FBXO11: variants seen among roughly 807,000 people sequenced by gnomAD.
FBXO11 encodes F-box protein 11.
Under a neutral mutation model 117.0 loss-of-function variants are expected in FBXO11, and 13 were observed. That is an observed-to-expected ratio of 0.11 (90% CI 0.07 to 0.18). The LOEUF is 0.18. FBXO11 is among the 10% of genes least tolerant of loss of function. The pLI is 1.00. For missense variants in FBXO11, 767 were observed against 1,164.4 expected (o/e 0.66, Z 4.97); for synonymous variants, 490 against 380.5 (o/e 1.29, Z -3.35).
At chr2:47,899,985 G>T (rs771512249) in intron 1 of FBXO11, among the ~76,000 whole-genome samples, 1 of 151,962 alleles carries the variant, frequency 6.6e-6, no homozygotes, top group African/African-American at 2.4e-5. Flanking sequence ...TCAAACTAGG[G>T]GTTCTCACTA....
At chr2:47,875,626 A>T (rs1675944489) in intron 1 of FBXO11, among the ~76,000 whole-genome samples, 1 of 152,154 alleles carries the variant, frequency 6.6e-6, no homozygotes, top group Non-Finnish European at 1.5e-5. Flanking sequence ...GGTTTATAAA[A>T]AAGGGTCTAA....
chr2:47,819,642 G>T (rs151283887), intron 14 of FBXO11, among the ~76,000 whole-genome samples: 90 of 152,290 alleles, frequency 5.9e-4, no homozygotes, highest in African/African-American at 2.2e-3. Context: ...TTTAGCAAAA[G>T]AAATTAATTC....
chr2:47,849,028 C>T (rs550811915), intron 1 of FBXO11, among the ~76,000 whole-genome samples: 2 of 152,214 alleles, frequency 1.3e-5, no homozygotes, highest in East Asian at 1.9e-4. Context: ...AGATTGGAAA[C>T]TTAGGCAAAT....
chr2:47,885,735 A>G (rs1676784539), intron 1 of FBXO11, among the ~76,000 whole-genome samples: 2 of 152,208 alleles, frequency 1.3e-5, no homozygotes, highest in African/African-American at 4.8e-5. Flanking sequence ...CCCCCACCAA[A>G]AAAATGCCAA....
intron 1 of FBXO11, among the ~76,000 whole-genome samples, chr2:47,863,366 T>C (rs1674935820): frequency 6.6e-6 from 1 of 152,192 alleles, no homozygotes; most frequent in Admixed American, 6.5e-5. Flanking sequence ...AATAAAAATA[T>C]ACTTTAATGT....
rs760400781 is a variant in FBXO11, at chr2:47,818,913, C to A, written c.1920+43G>T. On this transcript the variant is annotated intron_variant, in intron 15 of 22. Transcript: ENST00000403359. ...AGCTTTTTCAAGGGACAAGTATTTACAAAACAATGTATTTCCCATCCAAGA... is the reference window on the plus strand; with the variant it reads ...AGCTTTTTCAAGGGACAAGTATTTAAAAAACAATGTATTTCCCATCCAAGA... 18 of 1,567,786 alleles carry A rather than the reference C, an allele frequency of 1.1e-5. No homozygotes were observed. In the South Asian group the frequency reaches 2.0e-4, roughly 18 times the overall value.
intron 18 of FBXO11, chr2:47,811,229 T>G (rs1670589327): frequency 6.6e-6 from 1 of 152,278 alleles, no homozygotes; most frequent in Non-Finnish European, 1.5e-5. Flanking sequence ...TATACACTGT[T>G]GCTTTTTAAT....
At chr2:47,900,025 C>G (rs1358370509) in intron 1 of FBXO11, among the ~76,000 whole-genome samples, 3 of 152,052 alleles carry the variant, frequency 2.0e-5, no homozygotes, top group Non-Finnish European at 4.4e-5. Flanking sequence ...TGGTTCCTGC[C>G]TTACCTAGTA....
intron 1 of FBXO11, among the ~76,000 whole-genome samples, chr2:47,903,326 A>G (rs1008562743): frequency 6.6e-6 from 1 of 152,198 alleles, no homozygotes; most frequent in African/African-American, 2.4e-5. Flanking sequence ...AGAATCTCCA[A>G]AACAGTTTGT....
intron 1 of FBXO11, among the ~76,000 whole-genome samples, chr2:47,880,830 T>C (rs893882030): frequency 1.3e-5 from 2 of 152,256 alleles, no homozygotes; most frequent in Non-Finnish European, 2.9e-5. Flanking sequence ...TCTTTTAAAA[T>C]ACCAGTCTTT....
chr2:47,857,948 T>TAC (rs56764393), intron 1 of FBXO11, among the ~76,000 whole-genome samples: 21,593 of 151,868 alleles, frequency 0.14, 2,180 homozygotes, highest in East Asian at 0.4. Context: ...TATATATATA[T>TAC]ACACACACAC....
At chr2:47,866,231 G>T (rs1194125141) in intron 1 of FBXO11, among the ~76,000 whole-genome samples, 7 of 115,906 alleles carry the variant, frequency 6.0e-5, no homozygotes, top group African/African-American at 2.4e-4. Flanking sequence ...GGACAAGTCA[G>T]ACCCCTTCTG....
intron 1 of FBXO11, among the ~76,000 whole-genome samples, chr2:47,884,898 A>C (rs938390777): frequency 3.9e-5 from 6 of 152,168 alleles, no homozygotes; most frequent in African/African-American, 1.4e-4. Context: ...TGTTATGCAT[A>C]ATATATTAAT....
intron 4 of FBXO11, 120 bp from the exon 5 acceptor site, chr2:47,836,121 C>CA: frequency 1.7e-6 from 1 of 601,724 alleles, no homozygotes; most frequent in Non-Finnish European, 2.7e-6. Context: ...TAAGAATAGA[C>CA]AAAAATGAAT....
At chr2:47,838,797 G>T in intron 4 of FBXO11, 62 bp downstream of exon 4, 1 of 1,520,546 alleles carries the variant, frequency 6.6e-7, no homozygotes, top group Non-Finnish European at 9.0e-7. Flanking sequence ...TTCCTACCAT[G>T]TTTAGCATTT....
chr2:47,846,128 T>C (rs1572834858), intron 1 of FBXO11, among the ~76,000 whole-genome samples: 1 of 152,154 alleles, frequency 6.6e-6, no homozygotes, highest in African/African-American at 2.4e-5. Flanking sequence ...CACGAAATCA[T>C]GGATTAGTTA....
chr2:47,901,039 G>C (rs1326284612), intron 1 of FBXO11, among the ~76,000 whole-genome samples: 1 of 137,316 alleles, frequency 7.3e-6, no homozygotes, highest in African/African-American at 2.6e-5. Context: ...ATACACACGT[G>C]TGTACATATA....
intron 21 of FBXO11, chr2:47,808,952 C>T: frequency 2.4e-6 from 1 of 423,358 alleles, no homozygotes; most frequent in Non-Finnish European, 4.2e-6. Flanking sequence ...CCACTTCAGC[C>T]TCCCAAAGTG....
In FBXO11 at chr2:47,807,942, A is replaced by G. The variant is rs189172843; in HGVS notation, c.*176T>C. ...ACACCCAGCTTTGAGATCCTGAGTC[A>G]ATATATTGCCACTTTCTTTTTGGTA... On this transcript the variant is annotated 3_prime_UTR_variant, in exon 23 of 23. Coordinates refer to ENST00000403359, the MANE Select transcript of FBXO11 (RefSeq NM_001190274.2). The G allele has an allele frequency of 3.2e-4, 192 of 605,586 alleles. 1 individual carries two copies. The highest frequency in any genetic ancestry group is 3.1e-3 in the African/African-American group (172 of 54,622). 37.5% of individuals were successfully genotyped at this position (605,586 alleles called of 1,614,324 possible).
Sources: allele counts gnomAD v4.1 joint callset (sites outside exome capture counted in the v4.1 genomes callset), GRCh38; gene constraint gnomAD v4.1.1; transcripts MANE v1.5; gene names NCBI Gene and HGNC (gene_info 2026-07-23, HGNC 2026-07-21).